AFG1L: variants seen among roughly 807,000 people sequenced by gnomAD.
AFG1L encodes the protein AFG1 like ATPase, also known as AFG1-like ATPase.
Under a neutral mutation model 62.2 loss-of-function variants are expected in AFG1L, and 53 were observed. That is an observed-to-expected ratio of 0.85 (90% CI 0.68 to 1.07). The LOEUF (loss-of-function observed/expected upper bound fraction) is 1.07. AFG1L is among the 50% of genes least tolerant of loss of function. The pLI is 0.00. For missense variants in AFG1L, 555 were observed against 590.5 expected (o/e 0.94, Z 0.62); for synonymous variants, 228 against 210.3 (o/e 1.08, Z -0.73).
At chr6:108,404,503 G>A (rs1227322276) in intron 7 of AFG1L, among the ~76,000 whole-genome samples, 1 of 151,942 alleles carries the variant, frequency 6.6e-6, no homozygotes, top group Non-Finnish European at 1.5e-5. Flanking sequence ...CTTCAAAATA[G>A]TGAGTACTCT....
At chr6:108,517,963 C>T (rs1774969261) in intron 11 of AFG1L, among the ~76,000 whole-genome samples, 1 of 152,212 alleles carries the variant, frequency 6.6e-6, no homozygotes, top group African/African-American at 2.4e-5. Context: ...GATACCATCT[C>T]ACACCAGTTA....
intron 2 of AFG1L, chr6:108,344,724 C>T (rs1363314079): frequency 2.1e-6 from 1 of 470,824 alleles, no homozygotes; most frequent in Non-Finnish European, 4.4e-6. Flanking sequence ...TTCTGTTTTA[C>T]CCTCCCTTTC....
intron 8 of AFG1L, among the ~76,000 whole-genome samples, chr6:108,451,719 AT>A (rs932957975): frequency 6.6e-6 from 1 of 150,390 alleles, no homozygotes; most frequent in Non-Finnish European, 1.5e-5. Context: ...TTTTATTTTC[AT>A]TTTTTTTTGT....
chr6:108,402,727 T>C (rs1488760425), intron 7 of AFG1L, among the ~76,000 whole-genome samples: 1 of 152,122 alleles, frequency 6.6e-6, no homozygotes, highest in Non-Finnish European at 1.5e-5. Context: ...TACATTTATT[T>C]CTGAAAAAAA....
chr6:108,440,349 A>T (rs1462968041), intron 7 of AFG1L, among the ~76,000 whole-genome samples: 4 of 151,616 alleles, frequency 2.6e-5, no homozygotes, highest in Non-Finnish European at 2.9e-5. Flanking sequence ...TTGTATTTTT[A>T]GTAGAGATGG....
intron 7 of AFG1L, among the ~76,000 whole-genome samples, chr6:108,419,094 G>C (rs1235864424): frequency 6.6e-6 from 1 of 152,084 alleles, no homozygotes; most frequent in Non-Finnish European, 1.5e-5. Flanking sequence ...CCCTAAAAGA[G>C]ATAAATGCTA....
intron 10 of AFG1L, among the ~76,000 whole-genome samples, chr6:108,491,915 C>T (rs1001585905): frequency 3.3e-5 from 5 of 152,056 alleles, no homozygotes; most frequent in Admixed American, 3.3e-4. Context: ...TTCAAATATC[C>T]AAGCCTGAGA....
At chr6:108,437,843 G>A (rs977474137) in intron 7 of AFG1L, among the ~76,000 whole-genome samples, 3 of 152,136 alleles carry the variant, frequency 2.0e-5, no homozygotes, top group South Asian at 2.1e-4. Context: ...TGTGGCTACC[G>A]TTGAATAACT....
At chr6:108,355,613 T>C (rs550911879) in intron 3 of AFG1L, 41 bp from the exon 4 acceptor site, 12 of 1,031,372 alleles carry the variant, frequency 1.2e-5, no homozygotes, top group South Asian at 1.2e-4. Context: ...AATCAGTACA[T>C]ACTATTTAAT....
intron 10 of AFG1L, among the ~76,000 whole-genome samples, chr6:108,495,819 A>G (rs1773954368): frequency 6.6e-6 from 1 of 152,248 alleles, no homozygotes; most frequent in African/African-American, 2.4e-5. Flanking sequence ...TGGAGAATGC[A>G]CAAACCATCG....
In AFG1L at chr6:108,447,256, C is replaced by A. The variant is rs376377256; in HGVS notation, c.850C>A (p.Arg284=). 1.2e-6 allele frequency: 2 copies of A among 1,608,518 alleles called. No individual in the cohort carries two copies. The highest frequency in any genetic ancestry group is 1.3e-5 in the African/African-American group (1 of 74,756). Residue 284 remains arginine (R), a synonymous_variant, in exon 8 of 13, where the codon CGG becomes AGG. Transcript: ENST00000368977. ...TVQLDSGIDY[R]KRELPAAGKL... Reference sequence around the variant, plus strand: ...CCAGCTAGATTCTGGGATAGATTACCGGAAAAGGGAACTTCCTGCTGCAGG... The same window carrying A: ...CCAGCTAGATTCTGGGATAGATTACAGGAAAAGGGAACTTCCTGCTGCAGG...
At chr6:108,482,655 C>T (rs939750121) in intron 10 of AFG1L, among the ~76,000 whole-genome samples, 2 of 152,056 alleles carry the variant, frequency 1.3e-5, no homozygotes, top group African/African-American at 2.4e-5. Context: ...ACAGACTTTT[C>T]GTTTTTGATG....
chr6:108,352,434 G>A (rs1448118914), intron 3 of AFG1L, among the ~76,000 whole-genome samples: 2 of 152,118 alleles, frequency 1.3e-5, no homozygotes, highest in African/African-American at 2.4e-5. Context: ...ATGTAAAATG[G>A]TGTAGCATTT....
At chr6:108,502,525 A>G (rs967534373) in intron 10 of AFG1L, among the ~76,000 whole-genome samples, 1 of 152,026 alleles carries the variant, frequency 6.6e-6, no homozygotes, top group Non-Finnish European at 1.5e-5. Flanking sequence ...TTTTTAGTAG[A>G]GACAGGGTTT....
intron 8 of AFG1L, among the ~76,000 whole-genome samples, chr6:108,467,804 C>T (rs1028096754): frequency 3.3e-5 from 5 of 152,136 alleles, no homozygotes; most frequent in Admixed American, 6.5e-5. Context: ...TTTGAAAACA[C>T]ATAAAATGTA....
chr6:108,493,467 A>G (rs983872273), intron 10 of AFG1L, among the ~76,000 whole-genome samples: 1 of 152,224 alleles, frequency 6.6e-6, no homozygotes, highest in South Asian at 2.1e-4. Flanking sequence ...TAAAGAAGCT[A>G]GGCAAGACTT....
At chr6:108,345,212 C>T (rs961574396) in intron 2 of AFG1L, among the ~76,000 whole-genome samples, 4 of 151,424 alleles carry the variant, frequency 2.6e-5, no homozygotes, top group Admixed American at 2.6e-4. Context: ...TCTCAAACTC[C>T]GGGGCTCAAG....
chr6:108,367,341 A>T (rs1779803412), intron 6 of AFG1L, among the ~76,000 whole-genome samples: 1 of 152,068 alleles, frequency 6.6e-6, no homozygotes, highest in Non-Finnish European at 1.5e-5. Context: ...CAGTGTTGAG[A>T]ATAGAGTGTG....
At chr6:108,463,171 C>T (rs58027736) in intron 8 of AFG1L, among the ~76,000 whole-genome samples, 1 of 151,538 alleles carries the variant, frequency 6.6e-6, no homozygotes, top group African/African-American at 2.4e-5. Flanking sequence ...TGCCTGTAAT[C>T]TCAGCTACTC....
Sources: allele counts gnomAD v4.1 joint callset (sites outside exome capture counted in the v4.1 genomes callset), GRCh38; gene constraint gnomAD v4.1.1; transcripts MANE v1.5; gene names NCBI Gene and HGNC (gene_info 2026-07-23, HGNC 2026-07-21).